TUBA3E: variants seen among roughly 807,000 people sequenced by gnomAD.
TUBA3E encodes tubulin alpha-3E chain.
Under a neutral mutation model 36.7 loss-of-function variants are expected in TUBA3E, and 21 were observed. The observed-to-expected ratio is 0.57, with a 90% confidence interval of 0.41 to 0.83. The LOEUF is 0.83. Ranked by LOEUF, TUBA3E falls within the 40% of genes least tolerant of loss-of-function variation. The pLI is 0.00. For synonymous variants in TUBA3E, 177 were observed against 241.9 expected (o/e 0.73, Z 2.49); for missense variants, 469 against 604.2 (o/e 0.78, Z 2.35).
In TUBA3E at chr2:130,194,022, G is replaced by A. The variant is rs760380783; in HGVS notation, c.820C>T (p.Pro274Ser). 3 of 1,614,224 alleles carry A rather than the reference G, an allele frequency of 1.9e-6. No homozygotes were observed. The highest frequency in any genetic ancestry group is 2.5e-6 in the Non-Finnish European group (3 of 1,180,040). Reference sequence around the variant, plus strand: ...TAGGCCTTCTCAGCTGAGATGACTGGGGCGTAGGTGGCCAGGGGGAAGTGG... The same window carrying A: ...TAGGCCTTCTCAGCTGAGATGACTGAGGCGTAGGTGGCCAGGGGGAAGTGG... The part of the protein sequence containing the change: ...RIHFPLATYA[P>S]VISAEKAYHE... Residue 274 changes from proline (P) to serine (S), a missense_variant, in exon 4 of 5, where the codon CCA becomes TCA. Coordinates refer to ENST00000312988, the MANE Select transcript of TUBA3E (RefSeq NM_207312.3).
chr2:130,193,197 G>C (rs1239588521), intron 4 of TUBA3E, among the ~76,000 whole-genome samples: 2 of 151,972 alleles, frequency 1.3e-5, no homozygotes, highest in East Asian at 1.9e-4. Context: ...AGAGGTTGCA[G>C]TGAGCCAGGA....
intron 1 of TUBA3E, among the ~76,000 whole-genome samples, chr2:130,197,482 A>G: frequency 1.0e-5 from 1 of 96,022 alleles, no homozygotes; most frequent in Admixed American, 1.2e-4. Context: ...GCATTTATTG[A>G]GTGCTGTCTC....
At chr2:130,198,321 C>G (rs778757268) in intron 1 of TUBA3E, 37 bp downstream of exon 1, 1 of 1,353,068 alleles carries the variant, frequency 7.4e-7, no homozygotes, top group African/African-American at 1.5e-5. Context: ...CTTCGTCTGC[C>G]TGGGCATCTG....
At chr2:130,195,853 C>T (rs1040427006) in intron 2 of TUBA3E, among the ~76,000 whole-genome samples, 3 of 152,266 alleles carry the variant, frequency 2.0e-5, no homozygotes, top group Non-Finnish European at 2.9e-5. Flanking sequence ...TGCCACTGCA[C>T]CCTGCAGGCA....
chr2:130,191,861 T>C lies in TUBA3E; in HGVS notation c.1323A>G (p.Glu441=), dbSNP rs756344999. The part of the protein sequence containing the change: ...DCEEVGVDSV[E]AEAEEGEAY ...ATGCTTCGCCTTCTTCAGCCTCAGCTTCCACGGAATCCACGCCCACCTCTT... is the reference window on the plus strand; with the variant it reads ...ATGCTTCGCCTTCTTCAGCCTCAGCCTCCACGGAATCCACGCCCACCTCTT... The change falls in exon 5 of 5, where the codon GAA becomes GAG. Residue 441 remains glutamate, a synonymous_variant. Transcript: ENST00000312988. 1.2e-6 allele frequency: 2 copies of C among 1,611,944 alleles called. No individual in the cohort carries two copies. The highest frequency in any genetic ancestry group is 4.5e-5 in the East Asian group (2 of 44,846).
chr2:130,195,036 C>T, intron 3 of TUBA3E, 43 bp downstream of exon 3: 1 of 1,606,232 alleles, frequency 6.2e-7, no homozygotes, highest in South Asian at 1.1e-5. Flanking sequence ...AGAACTACCC[C>T]TCCCATGCAA....
chr2:130,193,813 A>G lies in TUBA3E; in HGVS notation c.1029T>C (p.Phe343=). ...TAAATCCAGTCGGGCACCAATCCACAAACTGGATAGTGCGCTTGGTCTTGA... is the reference window on the plus strand; with the variant it reads ...TAAATCCAGTCGGGCACCAATCCACGAACTGGATAGTGCGCTTGGTCTTGA... ...ATIKTKRTIQ[F]VDWCPTGFKV... is the part of the protein sequence containing the mutation. The change falls in exon 4 of 5, where the codon TTT becomes TTC. Residue 343 remains phenylalanine (F), a synonymous_variant. Transcript: ENST00000312988. 2 of 1,611,462 alleles carry G rather than the reference A, an allele frequency of 1.2e-6. No individual in the cohort carries two copies. Among genetic ancestry groups the G allele is most frequent in the Non-Finnish European group, 1.7e-6 (2 of 1,177,950 alleles).
intron 4 of TUBA3E, among the ~76,000 whole-genome samples, chr2:130,193,090 C>T (rs540992245): frequency 7.5e-6 from 1 of 134,222 alleles, no homozygotes; most frequent in East Asian, 2.2e-4. Context: ...AAGATTGTCT[C>T]AAAAAAAAAA....
At chr2:130,194,849 C>T (rs2313993) in intron 3 of TUBA3E, among the ~76,000 whole-genome samples, 9 of 152,220 alleles carry the variant, frequency 5.9e-5, no homozygotes, top group Middle Eastern at 3.4e-3. Flanking sequence ...AGCTAATTTT[C>T]GTATTTTTAG....
chr2:130,194,921 A>C (rs1158528081), intron 3 of TUBA3E, among the ~76,000 whole-genome samples, 158 bp downstream of exon 3: 3 of 152,024 alleles, frequency 2.0e-5, no homozygotes, highest in African/African-American at 7.3e-5. Context: ...CAGGTAATCC[A>C]CCTGCTTTAG....
intron 1 of TUBA3E, among the ~76,000 whole-genome samples, chr2:130,196,682 A>T (rs1453472473): frequency 6.6e-6 from 1 of 152,232 alleles, no homozygotes. Context: ...CCGTCACAGT[A>T]ATTCTCTGAA....
In TUBA3E at chr2:130,196,141, G is replaced by T. The variant is rs982637142; in HGVS notation, c.226+8C>A. On this transcript the variant is annotated splice_region_variant and intron_variant, in intron 2 of 4. Transcript: ENST00000312988. ...AGGAAAGCTGCCATCCAGTGCCCAGGCACCTACCGACCACAGTGGGCTCCA... is the reference window on the plus strand; with the variant it reads ...AGGAAAGCTGCCATCCAGTGCCCAGTCACCTACCGACCACAGTGGGCTCCA... The T allele has an allele frequency of 6.2e-7, 1 of 1,609,166 alleles. No individual in the cohort carries two copies. Among genetic ancestry groups the T allele is most frequent in the Non-Finnish European group, 8.5e-7 (1 of 1,176,632 alleles).
chr2:130,193,303 G>A (rs528586747), intron 4 of TUBA3E, among the ~76,000 whole-genome samples: 1 of 151,918 alleles, frequency 6.6e-6, no homozygotes, highest in Non-Finnish European at 1.5e-5. Flanking sequence ...TGATGACTCA[G>A]AAAGAGTTCA....
intron 2 of TUBA3E, 46 bp from the exon 3 acceptor site, chr2:130,195,273 C>T: frequency 6.3e-7 from 1 of 1,598,700 alleles, no homozygotes; most frequent in African/African-American, 1.3e-5. Context: ...GGCCTGTACT[C>T]ACCAAGATGG....
chr2:130,195,262 A>C, intron 2 of TUBA3E, 35 bp from the exon 3 acceptor site: 1 of 1,606,426 alleles, frequency 6.2e-7, no homozygotes, highest in South Asian at 1.1e-5. Context: ...TGAATTTTTA[A>C]GGCCTGTACT....
intron 4 of TUBA3E, among the ~76,000 whole-genome samples, chr2:130,192,605 C>T (rs1307100033): frequency 1.3e-5 from 2 of 152,176 alleles, no homozygotes; most frequent in Admixed American, 1.3e-4. Flanking sequence ...GGTCAAGAGT[C>T]ATATGAATGC....
At position 130,195,125 on chromosome 2, in the gene TUBA3E, A is replaced by G; in HGVS notation, c.329T>C (p.Ile110Thr). 1 of 1,613,004 alleles carries G rather than the reference A, an allele frequency of 6.2e-7. No homozygotes were observed. The highest frequency in any genetic ancestry group is 8.5e-7 in the Non-Finnish European group (1 of 1,179,526). The change falls in exon 3 of 5, where the codon ATC (isoleucine) becomes ACC (threonine). Residue 110 changes from isoleucine (I) to threonine (T), a missense_variant. Ile to Thr is a moderately conservative substitution (Grantham distance 89). Around this residue, in one of 3 missense-constraint regions of TUBA3E, gnomAD observed 169 missense variants for 239.0 expected, o/e 0.71. Transcript: ENST00000312988. The stretch of plus-strand genomic sequence containing the variant: ...GACTAGGTCAACAATCTCCTTGCCG[A>G]TGGTGTAATGGCCCCTGGCGTAATT... ...ASNYARGHYT[I>T]GKEIVDLVLD...
In TUBA3E at chr2:130,193,978, C is replaced by G. The variant is rs747203330; in HGVS notation, c.864G>C (p.Val288=). The G allele has an allele frequency of 4.3e-6, 7 of 1,614,196 alleles. No homozygotes were observed. The highest frequency in any genetic ancestry group is 1.1e-5 in the South Asian group (1 of 91,080). The change falls in exon 4 of 5, where the codon GTG becomes GTC. Residue 288 remains valine, a synonymous_variant. Coordinates refer to ENST00000312988, the MANE Select transcript of TUBA3E (RefSeq NM_207312.3). ...AEKAYHEQLS[V]AEITNACFEP... ...CGAAGCAGGCATTGGTGATCTCGGC[C>G]ACAGACAGCTGCTCGTGGTAGGCCT...
intron 4 of TUBA3E, among the ~76,000 whole-genome samples, chr2:130,192,419 G>A (rs1690286806): frequency 6.6e-6 from 1 of 152,156 alleles, no homozygotes; most frequent in African/African-American, 2.4e-5. Flanking sequence ...TCTTCCCTCT[G>A]AAAATGTATG....
Sources: allele counts gnomAD v4.1 joint callset (sites outside exome capture counted in the v4.1 genomes callset), GRCh38; gene constraint gnomAD v4.1.1; regional missense constraint gnomAD v4.1.1; transcripts MANE v1.5; gene names NCBI Gene and HGNC (gene_info 2026-07-23, HGNC 2026-07-21).